Variants in DNAH12 observed in about 807,000 individuals in gnomAD.
DNAH12 encodes the protein dynein axonemal heavy chain 12, also known as axonemal beta dynein heavy chain 12.
Under a neutral mutation model 371.5 loss-of-function variants are expected in DNAH12, and 285 were observed. That is an observed-to-expected ratio of 0.77 (90% confidence interval 0.70 to 0.85). DNAH12 has a LOEUF of 0.85. DNAH12 is among the 40% of genes least tolerant of loss of function. DNAH12 has a pLI of 0.00. For missense variants in DNAH12, 3,611 were observed against 3,689.4 expected, an observed-to-expected ratio of 0.98 and a Z score of 0.55; for synonymous variants, 1,200 against 1,213.0, an observed-to-expected ratio of 0.99 and a Z score of 0.22.
At chr3:57,511,468 A>G (rs1192488315) in intron 4 of DNAH12, among the ~76,000 whole-genome samples, 1 of 152,244 alleles carries the variant, frequency 6.6e-6, no homozygotes, top group East Asian at 1.9e-4. Flanking sequence ...ATGAATGAAA[A>G]GACACTTGAT....
chr3:57,302,014 G>A (rs1363683465), intron 69 of DNAH12, 75 bp from the exon 70 acceptor site: 2 of 1,449,508 alleles, frequency 1.4e-6, no homozygotes, highest in Non-Finnish European at 1.9e-6. Context: ...AAGAACAGCA[G>A]GAATTTCATT....
intron 65 of DNAH12, 105 bp from the exon 66 acceptor site, chr3:57,314,736 C>A: frequency 8.4e-7 from 1 of 1,196,524 alleles, no homozygotes; most frequent in Non-Finnish European, 1.1e-6. Flanking sequence ...TCTGTGATCA[C>A]GTATCTCTAC....
intron 12 of DNAH12, 30 bp from the exon 13 acceptor site, chr3:57,483,541 A>G: frequency 6.6e-7 from 1 of 1,523,368 alleles, no homozygotes; most frequent in Non-Finnish European, 8.8e-7. Flanking sequence ...TAATAGACTT[A>G]TGGCAATTAA....
Position 57,452,763 on chromosome 3 carries a change from AG to A in DNAH12, c.3786+79del, listed in dbSNP as rs531781607. The A allele has an allele frequency of 4.6e-5, 59 of 1,284,514 alleles. No homozygotes were observed. The East Asian group carries it at 1.2e-3, about 27-fold the overall frequency. The allele number at this position is 1,284,514 out of a possible 1,614,324, so 79.6% of individuals were successfully genotyped here. On this transcript the variant is annotated intron_variant, in intron 25 of 73. Coordinates refer to ENST00000495027, the MANE Select transcript of DNAH12 (RefSeq NM_001366028.2). ...AGGGATAATTGTATTCAACTACTCCAGGTAAGACAAGAGAGAAAAGATGACG... is the reference window on the plus strand; with the variant it reads ...AGGGATAATTGTATTCAACTACTCCAGTAAGACAAGAGAGAAAAGATGACG...
chr3:57,305,440 C>T (rs2061449470), intron 69 of DNAH12, among the ~76,000 whole-genome samples: 1 of 152,172 alleles, frequency 6.6e-6, no homozygotes, highest in Non-Finnish European at 1.5e-5. Context: ...CTCCTCACAC[C>T]CGGTCCAGCT....
intron 70 of DNAH12, among the ~76,000 whole-genome samples, chr3:57,297,796 T>C (rs1050084005): frequency 6.6e-6 from 1 of 152,176 alleles, no homozygotes; most frequent in Non-Finnish European, 1.5e-5. Context: ...TCCAGAAGAA[T>C]TGCCAGAATA....
chr3:57,402,454 C>T (rs1553679264), intron 43 of DNAH12: 1 of 1,303,102 alleles, frequency 7.7e-7, no homozygotes, highest in Non-Finnish European at 1.0e-6. Context: ...AAGATTACTA[C>T]TAAGACAACA....
intron 11 of DNAH12, among the ~76,000 whole-genome samples, chr3:57,500,158 G>C (rs374292406): frequency 6.7e-6 from 1 of 149,846 alleles, no homozygotes; most frequent in Non-Finnish European, 1.5e-5. Context: ...CTACTCCTCA[G>C]CCCCCCCTAG....
At chr3:57,538,728 G>A (rs2069154196) in intron 2 of DNAH12, among the ~76,000 whole-genome samples, 1 of 152,102 alleles carries the variant, frequency 6.6e-6, no homozygotes, top group South Asian at 2.1e-4. Flanking sequence ...TCTCTCCTGT[G>A]TTCTCTCTTG....
At position 57,479,374 on chromosome 3, in the gene DNAH12, T is replaced by A. The variant is rs544998794; in HGVS notation, c.1650+4002A>T. Among the ~76,000 whole-genome samples the A allele has an allele frequency of 3.9e-5, 6 of 152,130 alleles. No individual in the cohort carries two copies. In the South Asian group the frequency reaches 1.2e-3, roughly 32 times the overall value. ...TCAATTCAACAAGAAGAGCTAACTA[T>A]CCTAAATATATATGCACCCAATACA... On this transcript the variant is annotated intron_variant, in intron 13 of 73. Coordinates refer to ENST00000495027, the MANE Select transcript of DNAH12 (RefSeq NM_001366028.2).
rs1398536389 is a variant in DNAH12 at position 57,352,128 on chromosome 3, C to G, written c.9631G>C (p.Asp3211His). The stretch of plus-strand genomic sequence containing the variant: ...AATAAAAAGGAAAATAACAGCTTGT[C>G]CTTCTCAAATAGTGATCGGCATATA... ...CNICRSLFEKDKLLFSFLLCA... is the reference protein window; with the variant it reads ...CNICRSLFEKHKLLFSFLLCA... Residue 3211 changes from aspartate (D) to histidine (H), a missense_variant, in exon 60 of 74, where the codon GAC becomes CAC. Physicochemically the swap from Asp to His is moderately conservative, Grantham distance 81 (BLOSUM62 -1). Transcript: ENST00000495027. 1 of 1,538,200 alleles carries G rather than the reference C, an allele frequency of 6.5e-7. No individual in the cohort carries two copies. The highest frequency in any genetic ancestry group is 8.7e-7 in the Non-Finnish European group (1 of 1,143,330).
intron 2 of DNAH12, among the ~76,000 whole-genome samples, chr3:57,537,173 A>G (rs752885994): frequency 2.0e-5 from 3 of 152,178 alleles, no homozygotes; most frequent in Admixed American, 1.3e-4. Flanking sequence ...CAGCCTGGGC[A>G]AAAGAGTGAG....
chr3:57,516,053 C>CTTTGTTTTTTTT (rs2068179701), intron 4 of DNAH12, among the ~76,000 whole-genome samples: 2 of 71,982 alleles, frequency 2.8e-5, no homozygotes, highest in Non-Finnish European at 4.8e-5. Context: ...ACTGCTTAGT[C>CTTTGTTTTTTTT]TTTTTTTTTT....
At chr3:57,461,746 T>C in intron 18 of DNAH12, 57 bp from the exon 19 acceptor site, 2 of 1,390,168 alleles carry the variant, frequency 1.4e-6, no homozygotes, top group Admixed American at 2.1e-5. Context: ...TTATTTACTA[T>C]ATTGACTTTC....
chr3:57,551,113 G>A, the DNAH12 span, among the ~76,000 whole-genome samples: 722 of 151,904 alleles, frequency 4.8e-3, 7 homozygotes, highest in African/African-American at 0.017. Flanking sequence ...TGATCCACCC[G>A]CCTCAGTCTC....
chr3:57,454,900 C>A lies in DNAH12; in HGVS notation c.3337-6G>T, dbSNP rs1365052701. 5.2e-6 allele frequency: 8 copies of A among 1,533,900 alleles called. No homozygotes were observed. Among genetic ancestry groups the A allele is most frequent in the African/African-American group, 4.2e-5 (3 of 71,770 alleles). On this transcript the variant is annotated splice_region_variant and splice_polypyrimidine_tract_variant and intron_variant, in intron 22 of 73. Transcript: ENST00000495027. ...CTTGCAGATTCTGGATAAGCCTGAA[C>A]AATTAAAATAAATTTCTAACTTTAA...
chr3:57,495,161 T>G (rs1277316391), intron 11 of DNAH12, among the ~76,000 whole-genome samples: 1 of 152,206 alleles, frequency 6.6e-6, no homozygotes, highest in African/African-American at 2.4e-5. Flanking sequence ...TAAATTATAC[T>G]TTTTCAGTAG....
intron 35 of DNAH12, among the ~76,000 whole-genome samples, chr3:57,423,463 G>A (rs572139776): frequency 2.8e-4 from 43 of 152,234 alleles, no homozygotes; most frequent in Middle Eastern, 3.4e-3. Flanking sequence ...ATATAAAGGC[G>A]AAAAAGGAGG....
rs932605749 is a variant in DNAH12, at chr3:57,400,109, G to A, written c.6948+3200C>T. On this transcript the variant is annotated intron_variant, in intron 43 of 73. Coordinates refer to ENST00000495027, the MANE Select transcript of DNAH12 (RefSeq NM_001366028.2). ...TTCAAGACCAGACTGGCCAAATGGC[G>A]AAACCCCATCTCTACAAAAAATACA... 2.9e-3 allele frequency among the ~76,000 whole-genome samples: 439 copies of A among 152,172 alleles called. 2 individuals are homozygous for A. The highest frequency in any genetic ancestry group is 9.9e-3 in the African/African-American group (410 of 41,526).
Sources: allele counts gnomAD v4.1 joint callset (sites outside exome capture counted in the v4.1 genomes callset), GRCh38; gene constraint gnomAD v4.1.1; transcripts MANE v1.5; gene names NCBI Gene and HGNC (gene_info 2026-07-23, HGNC 2026-07-21).